SCML4: variants seen among roughly 807,000 people sequenced by gnomAD.
SCML4 encodes the protein sex comb on midleg-like protein 4.
Under a neutral mutation model 41.1 loss-of-function variants are expected in SCML4, and 34 were observed. That is an observed-to-expected ratio of 0.83 (90% CI 0.63 to 1.10). SCML4 has a LOEUF of 1.10. SCML4 is among the 50% of genes least tolerant of loss of function. SCML4 has a pLI of 0.00. For missense variants in SCML4, 522 were observed against 534.1 expected (o/e 0.98, Z 0.22); for synonymous variants, 214 against 220.9 (o/e 0.97, Z 0.28).
At chr6:107,830,419 G>C in the SCML4 span, among the ~76,000 whole-genome samples, 1 of 152,210 alleles carries the variant, frequency 6.6e-6, no homozygotes, top group Admixed American at 6.5e-5. Context: ...CCCAGGGGCA[G>C]CGTCTGGTAA....
chr6:107,839,958 A>C, the SCML4 span, among the ~76,000 whole-genome samples: 2 of 152,304 alleles, frequency 1.3e-5, no homozygotes, highest in East Asian at 3.8e-4. Flanking sequence ...TCACAAATTA[A>C]AATAAAAATT....
At chr6:107,707,171 G>A (rs968108081) in intron 7 of SCML4, among the ~76,000 whole-genome samples, 20 of 150,082 alleles carry the variant, frequency 1.3e-4, no homozygotes, top group Admixed American at 7.9e-4. Flanking sequence ...CGTGGTGGTG[G>A]GTGCCTGTAA....
At chr6:107,771,155 T>A (rs1474326020) in intron 2 of SCML4, among the ~76,000 whole-genome samples, 3 of 152,214 alleles carry the variant, frequency 2.0e-5, no homozygotes, top group African/African-American at 7.2e-5. Context: ...CTACTGATTT[T>A]ATTTTCCAGC....
chr6:107,798,972 T>C (rs1782908040), intron 1 of SCML4, among the ~76,000 whole-genome samples: 1 of 152,136 alleles, frequency 6.6e-6, no homozygotes, highest in Non-Finnish European at 1.5e-5. Flanking sequence ...TATTGAGACT[T>C]GTTTTATGGC....
chr6:107,825,700 G>C (rs1785222160), upstream of SCML4, among the ~76,000 whole-genome samples: 1 of 152,038 alleles, frequency 6.6e-6, no homozygotes, highest in Non-Finnish European at 1.5e-5. Context: ...CAGCACTTTG[G>C]GAGGCCAAGG....
At chr6:107,818,630 C>T (rs943226863) in intron 1 of SCML4, among the ~76,000 whole-genome samples, 2 of 152,228 alleles carry the variant, frequency 1.3e-5, no homozygotes, top group African/African-American at 4.8e-5. Context: ...TATAATCACT[C>T]AGAAATGGTT....
At chr6:107,830,529 G>T in the SCML4 span, among the ~76,000 whole-genome samples, 1 of 152,184 alleles carries the variant, frequency 6.6e-6, no homozygotes, top group Non-Finnish European at 1.5e-5. Context: ...ATTCCAAGAT[G>T]GCAGGGAATA....
intron 5 of SCML4, among the ~76,000 whole-genome samples, chr6:107,726,076 CAA>C (rs59523273): frequency 0.022 from 2,275 of 104,932 alleles, 39 homozygotes; most frequent in East Asian, 0.056. Context: ...GACCCAGTCT[CAA>C]AAAAAAAAAA....
At chr6:107,794,143 T>C (rs1782544137) in intron 1 of SCML4, among the ~76,000 whole-genome samples, 1 of 152,236 alleles carries the variant, frequency 6.6e-6, no homozygotes, top group Non-Finnish European at 1.5e-5. Context: ...TCAATTAAGA[T>C]GAAACCAAAA....
intron 1 of SCML4, among the ~76,000 whole-genome samples, chr6:107,806,339 C>T (rs542913193): frequency 1.2e-4 from 19 of 152,358 alleles, no homozygotes; most frequent in Admixed American, 3.3e-4. Context: ...ACTTCTGGCC[C>T]TTTGGACATT....
At chr6:107,745,361 G>T in intron 4 of SCML4, 1 of 504,440 alleles carries the variant, frequency 2.0e-6, no homozygotes, top group Admixed American at 3.7e-5. Context: ...CGTCTCCTTG[G>T]TCTGTGACTG....
rs1773441143 is a variant in SCML4, at chr6:107,704,722, T to C, written c.*478A>G. 1 of 164,404 alleles carries C rather than the reference T, an allele frequency of 6.1e-6. No individual in the cohort carries two copies. Among genetic ancestry groups the C allele is most frequent in the African/African-American group, 2.4e-5 (1 of 41,468 alleles). The allele number at this position is 164,404 out of a possible 1,614,324, so 10.2% of individuals were successfully genotyped here. On this transcript the variant is annotated 3_prime_UTR_variant, in exon 8 of 8. Coordinates refer to ENST00000369020, the MANE Select transcript of SCML4 (RefSeq NM_198081.5). ...CAGACAGTGCAAGGTGAGGCAGTCA[T>C]CTTCAGAAGTCAGCTTCCAGAGCTG... is the stretch of plus-strand genomic sequence containing the variant.
At chr6:107,708,141 G>A (rs746196254) in intron 6 of SCML4, 130 bp from the exon 7 acceptor site, 254 of 1,025,626 alleles carry the variant, frequency 2.5e-4, no homozygotes, top group Non-Finnish European at 3.3e-4. Flanking sequence ...CCTGGCCCAA[G>A]TGACCTCCTG....
chr6:107,726,076 C>CAAA (rs59523273), intron 5 of SCML4, among the ~76,000 whole-genome samples: 1,161 of 104,952 alleles, frequency 0.011, 11 homozygotes, highest in African/African-American at 0.038. Context: ...GACCCAGTCT[C>CAAA]AAAAAAAAAA....
In SCML4 at chr6:107,703,292, CCT is replaced by C; in HGVS notation, c.*1906_*1907del. 6.6e-6 allele frequency among the ~76,000 whole-genome samples: 1 copy of C among 152,148 alleles called. No homozygotes were observed. The highest frequency in any genetic ancestry group is 1.9e-4 in the East Asian group (1 of 5,164). ...TCTTTCTTGCATGAGATCCAAGAGCCCTCTCTTGGGGTCTGGATCGGGACCCC... is the reference window on the plus strand; with the variant it reads ...TCTTTCTTGCATGAGATCCAAGAGCCCTCTTGGGGTCTGGATCGGGACCCC... On this transcript the variant is annotated 3_prime_UTR_variant, in exon 8 of 8. Coordinates refer to ENST00000369020, the MANE Select transcript of SCML4 (RefSeq NM_198081.5).
rs1481838316 is a variant in SCML4, at chr6:107,779,224, A to AGTCATT, written c.-59-6844_-59-6839dup. On this transcript the variant is annotated intron_variant, in intron 1 of 7. Coordinates refer to ENST00000369020, the MANE Select transcript of SCML4 (RefSeq NM_198081.5). ...ATAAATAAGACACATCCCCTCAGAT[A>AGTCATT]GTCATTGTCTACAGAGAAGCAAACA... Among the ~76,000 whole-genome samples the AGTCATT allele has an allele frequency of 4.6e-5, 7 of 152,160 alleles. No individual in the cohort carries two copies. In the East Asian group the frequency reaches 1.4e-3, roughly 30 times the overall value.
At chr6:107,797,291 G>A (rs1010098423) in intron 1 of SCML4, among the ~76,000 whole-genome samples, 2 of 152,042 alleles carry the variant, frequency 1.3e-5, no homozygotes, top group African/African-American at 4.8e-5. Flanking sequence ...ATTTACTTAA[G>A]ACTTCTTGAG....
chr6:107,806,186 T>G (rs956361763), intron 1 of SCML4, among the ~76,000 whole-genome samples: 1 of 28,904 alleles, frequency 3.5e-5, no homozygotes, highest in African/African-American at 4.6e-5. Context: ...AACAGAGATT[T>G]CCCCCCCCCC....
At chr6:107,732,409 G>C (rs1054806100) in intron 5 of SCML4, 1 of 152,218 alleles carries the variant, frequency 6.6e-6, no homozygotes, top group Admixed American at 6.5e-5. Flanking sequence ...TCAGCCCTGA[G>C]AATCAACCTT....
Sources: allele counts gnomAD v4.1 joint callset (sites outside exome capture counted in the v4.1 genomes callset), GRCh38; gene constraint gnomAD v4.1.1; transcripts MANE v1.5; gene names NCBI Gene and HGNC (gene_info 2026-07-23, HGNC 2026-07-21).